The following PCSK6 variants were observed in gnomAD, a reference collection of about 807,000 sequenced individuals.
The protein encoded by PCSK6 is proprotein convertase subtilisin/kexin type 6.
Under a neutral mutation model 123.3 loss-of-function variants are expected in PCSK6, and 85 were observed. The ratio of observed to expected loss-of-function variants is 0.69; its 90% CI spans 0.58 to 0.83. The LOEUF (loss-of-function observed/expected upper bound fraction) is 0.83, where lower values mean the gene tolerates loss of function less well. Ranked by LOEUF, PCSK6 falls within the 40% of genes least tolerant of loss-of-function variation. PCSK6 has a pLI of 0.00. For synonymous variants in PCSK6, 508 were observed against 516.0 expected (o/e 0.98, Z 0.21); for missense variants, 1,191 against 1,282.3 (o/e 0.93, Z 1.09).
chr15:101,432,459 CAAAA>C (rs56385883), intron 2 of PCSK6, among the ~76,000 whole-genome samples: 1 of 117,350 alleles, frequency 8.5e-6, no homozygotes, highest in Non-Finnish European at 1.8e-5. Context: ...CCCACCTCTC[CAAAA>C]AAAAAAAAAA....
chr15:101,429,478 A>T (rs2056373785), intron 5 of PCSK6, among the ~76,000 whole-genome samples: 1 of 152,154 alleles, frequency 6.6e-6, no homozygotes, highest in Admixed American at 6.5e-5. Flanking sequence ...ACACTAAGAC[A>T]TGAAGTTTCA....
chr15:101,351,623 G>A (rs1177071720), intron 13 of PCSK6, among the ~76,000 whole-genome samples: 1 of 152,198 alleles, frequency 6.6e-6, no homozygotes, highest in East Asian at 1.9e-4. Flanking sequence ...TTTGTAAATT[G>A]TTGGCTAACA....
chr15:101,405,888 A>G (rs541885420), intron 6 of PCSK6, among the ~76,000 whole-genome samples: 27 of 152,184 alleles, frequency 1.8e-4, no homozygotes, highest in Non-Finnish European at 3.2e-4. Flanking sequence ...GATTACAGGC[A>G]CACACCACCA....
intron 6 of PCSK6, among the ~76,000 whole-genome samples, chr15:101,414,584 C>T (rs540272019): frequency 2.6e-5 from 4 of 152,006 alleles, no homozygotes; most frequent in Non-Finnish European, 4.4e-5. Flanking sequence ...TACTGATTAG[C>T]GCTAAACACT....
intron 1 of PCSK6, among the ~76,000 whole-genome samples, chr15:101,482,695 G>A (rs913743203): frequency 1.6e-4 from 24 of 152,210 alleles, no homozygotes; most frequent in Admixed American, 9.2e-4. Flanking sequence ...CGACAGCTCC[G>A]TGTTTCTCAT....
At chr15:101,440,840 G>A (rs1389829025) in intron 2 of PCSK6, among the ~76,000 whole-genome samples, 1 of 152,222 alleles carries the variant, frequency 6.6e-6, no homozygotes, top group Non-Finnish European at 1.5e-5. Flanking sequence ...TGTAATGACT[G>A]GGTGGAGTAA....
Position 101,429,972 on chromosome 15 carries a change from G to A in PCSK6, c.734+15C>T. The A allele has an allele frequency of 6.9e-6, 11 of 1,604,388 alleles. No individual in the cohort carries two copies. The highest frequency in any genetic ancestry group is 9.4e-6 in the Non-Finnish European group (11 of 1,171,258). On this transcript the variant is annotated intron_variant, in intron 5 of 21. Coordinates refer to ENST00000611716, the MANE Select transcript of PCSK6 (RefSeq NM_002570.5). Reference sequence around the variant, plus strand: ...AGGGGAAGAGAAGCCGGGGAGATGAGGCGAGGTGACGTACTTATTTTCATT... The same window carrying A: ...AGGGGAAGAGAAGCCGGGGAGATGAAGCGAGGTGACGTACTTATTTTCATT...
intron 6 of PCSK6, among the ~76,000 whole-genome samples, chr15:101,420,393 ACT>A (rs1162688215): frequency 3.3e-5 from 5 of 152,004 alleles, no homozygotes; most frequent in Admixed American, 3.3e-4. Context: ...ACAGGGTCTC[ACT>A]CTGTCACCCA....
chr15:101,463,120 G>A lies in PCSK6; in HGVS notation c.298-19460C>T, dbSNP rs150339071. ...CTAAAACTGTAAGAGACCTGGAGCC[G>A]TTGAGCATCAATGACTCTTTGACTC... is the stretch of plus-strand genomic sequence containing the variant. On this transcript the variant is annotated intron_variant, in intron 1 of 21. Coordinates refer to ENST00000611716, the MANE Select transcript of PCSK6 (RefSeq NM_002570.5). 2,812 of 458,646 alleles carry A rather than the reference G, an allele frequency of 6.1e-3. 16 individuals are homozygous for A. The highest frequency in any genetic ancestry group is 9.9e-3 in the Admixed American group (424 of 42,762). The allele number at this position is 458,646 out of a possible 1,614,324, so 28.4% of individuals were successfully genotyped here. A position where few individuals can be genotyped will look rare whatever the true frequency, so the allele number is the denominator to read the frequency against.
At position 101,398,962 on chromosome 15, in the gene PCSK6, G is replaced by A. The variant is rs1000371213; in HGVS notation, c.824-386C>T. ...CTGTCACCCAGGCTGGAGGGCAGTG[G>A]TGCAATCTCGGCTCACTGCAAGCTC... On this transcript the variant is annotated intron_variant, in intron 6 of 21. Transcript: ENST00000611716. This position sits in a 1 kb window ranked among gnomAD's most constrained non-coding sequence, Gnocchi z 4.6. Among the ~76,000 whole-genome samples the A allele has an allele frequency of 6.6e-6, 1 of 152,044 alleles. No individual in the cohort carries two copies. Among genetic ancestry groups the A allele is most frequent in the Non-Finnish European group, 1.5e-5 (1 of 67,996 alleles).
chr15:101,482,605 A>C (rs1004350849), intron 1 of PCSK6, among the ~76,000 whole-genome samples: 1 of 152,220 alleles, frequency 6.6e-6, no homozygotes, highest in African/African-American at 2.4e-5. Flanking sequence ...GGGTCTGGAC[A>C]GCCCTGAGTG....
At chr15:101,349,328 T>C (rs2040831740) in intron 13 of PCSK6, among the ~76,000 whole-genome samples, 1 of 152,196 alleles carries the variant, frequency 6.6e-6, no homozygotes, top group Admixed American at 6.5e-5. Flanking sequence ...AAAGGAAGAA[T>C]AGAAATGTAC....
chr15:101,437,244 G>A (rs1169983983), intron 2 of PCSK6, among the ~76,000 whole-genome samples: 4 of 152,318 alleles, frequency 2.6e-5, no homozygotes, highest in Non-Finnish European at 1.5e-5. Context: ...CAGGGCAAGA[G>A]GGCCATCGTG....
chr15:101,464,288 T>TG (rs951508471), intron 1 of PCSK6, among the ~76,000 whole-genome samples: 3 of 152,056 alleles, frequency 2.0e-5, no homozygotes, highest in Admixed American at 6.6e-5. Flanking sequence ...GTCCACTGTG[T>TG]GGGGGCAGGA....
chr15:101,376,196 G>C (rs139989943), intron 11 of PCSK6, among the ~76,000 whole-genome samples: 2,885 of 152,144 alleles, frequency 0.019, 76 homozygotes, highest in East Asian at 0.095. Context: ...GGGCTCAAGC[G>C]ATCCTCCCAC....
In PCSK6 at chr15:101,428,782, C is replaced by T. The variant is rs546430738; in HGVS notation, c.735-802G>A. On this transcript the variant is annotated intron_variant, in intron 5 of 21. Coordinates refer to ENST00000611716, the MANE Select transcript of PCSK6 (RefSeq NM_002570.5). ...AGGCAGCAGCCCTCTGGAAGAGAGT[C>T]ATCTGTCCTTCCCTGGAAGCCACAC... 2.0e-5 allele frequency among the ~76,000 whole-genome samples: 3 copies of T among 152,348 alleles called. No homozygotes were observed. The East Asian group carries it at 5.8e-4, about 29-fold the overall frequency.
intron 6 of PCSK6, among the ~76,000 whole-genome samples, chr15:101,411,853 A>C (rs995364845): frequency 1.6e-4 from 25 of 152,196 alleles, no homozygotes; most frequent in African/African-American, 6.0e-4. Context: ...CAGCAACCTC[A>C]AAAGGGGCCC....
At chr15:101,392,286 C>A (rs2042254289) in intron 8 of PCSK6, among the ~76,000 whole-genome samples, 1 of 152,200 alleles carries the variant, frequency 6.6e-6, no homozygotes, top group East Asian at 1.9e-4. Context: ...AAATTAATAC[C>A]TTAGTTAACC....
chr15:101,360,255 G>A (rs574347659), intron 13 of PCSK6, among the ~76,000 whole-genome samples: 5 of 152,136 alleles, frequency 3.3e-5, no homozygotes, highest in East Asian at 1.9e-4. Context: ...CCTCACTTCC[G>A]TCTATTCTGA....
Sources: gnomAD v4.1 joint callset for allele counts (sites outside exome capture counted in the v4.1 genomes callset) on GRCh38, gnomAD v4.1.1 for gene constraint, Gnocchi (gnomAD v3.1) non-coding constraint, MANE v1.5 for transcripts, NCBI Gene and HGNC (gene_info 2026-07-23, HGNC 2026-07-21) for gene names.